AQR: variants seen among roughly 807,000 people sequenced by gnomAD.
The protein encoded by AQR is RNA helicase aquarius.
AQR carries 61 observed loss-of-function variants against 180.5 expected under a neutral mutation model. The ratio of observed to expected loss-of-function variants is 0.34; its 90% confidence interval spans 0.28 to 0.42. The LOEUF (loss-of-function observed/expected upper bound fraction) is 0.42, where lower values mean the gene tolerates loss of function less well. Among genes scored for constraint, AQR ranks in the 10% least tolerant of loss-of-function variants. The pLI, the probability that AQR is intolerant of heterozygous loss-of-function variation, is 1.00. For synonymous variants in AQR, 551 were observed against 588.8 expected, an observed-to-expected ratio of 0.94 and a Z score of 0.93; for missense variants, 1,281 against 1,798.3, an observed-to-expected ratio of 0.71 and a Z score of 5.20.
chr15:34,893,607 G>GCA (rs386382691), intron 23 of AQR, 56 bp downstream of exon 23: 23,976 of 995,102 alleles, frequency 0.024, 128 homozygotes, highest in East Asian at 0.046. Flanking sequence ...GCGCATGCGT[G>GCA]CACACACACA....
intron 33 of AQR, among the ~76,000 whole-genome samples, chr15:34,862,523 T>G (rs1411583701): frequency 6.6e-6 from 1 of 152,210 alleles, no homozygotes; most frequent in Non-Finnish European, 1.5e-5. Context: ...TAATACATGG[T>G]AGCCACTAAA....
intron 1 of AQR, among the ~76,000 whole-genome samples, chr15:34,969,002 C>T (rs770567849): frequency 3.0e-4 from 45 of 152,174 alleles, no homozygotes; most frequent in Non-Finnish European, 5.6e-4. Context: ...CTGTGGCTCA[C>T]AATGCAAGAT....
chr15:34,878,537 A>G (rs1447538309), intron 27 of AQR, among the ~76,000 whole-genome samples: 1 of 152,156 alleles, frequency 6.6e-6, no homozygotes, highest in Non-Finnish European at 1.5e-5. Flanking sequence ...GATTATTATC[A>G]TTGTTCATTT....
intron 13 of AQR, among the ~76,000 whole-genome samples, chr15:34,921,088 A>G (rs1893677256): frequency 6.6e-6 from 1 of 152,198 alleles, no homozygotes; most frequent in African/African-American, 2.4e-5. Flanking sequence ...TTTATTTTAA[A>G]TTCTGTGACA....
Position 34,952,583 on chromosome 15 carries a change from A to G in AQR, c.209+302T>C, listed in dbSNP as rs1894249903. ...AGCTTGGCAGGGAGAAAAAGTGGCTATAGAACACACTCTAATTTATTTCCA... is the reference window on the plus strand; with the variant it reads ...AGCTTGGCAGGGAGAAAAAGTGGCTGTAGAACACACTCTAATTTATTTCCA... On this transcript the variant is annotated intron_variant, in intron 4 of 34. Coordinates refer to ENST00000156471, the MANE Select transcript of AQR (RefSeq NM_014691.3). 2.0e-5 allele frequency among the ~76,000 whole-genome samples: 3 copies of G among 152,236 alleles called. No individual in the cohort carries two copies. In the South Asian group the frequency reaches 6.2e-4, roughly 32 times the overall value.
chr15:34,969,576 G>A lies in AQR; in HGVS notation c.38C>T (p.Pro13Leu), dbSNP rs2050332740. ...CTCCGCATTGATTTGGGACACCGTA[G>A]GGGCCACGATCTTCTTGGGCTGCGC... is the stretch of plus-strand genomic sequence containing the variant. ...APAQPKKIVAPTVSQINAEFV... is the reference protein window; with the variant it reads ...APAQPKKIVALTVSQINAEFV... The change falls in exon 1 of 35, where the codon CCT becomes CTT. Residue 13 changes from proline to leucine, a missense_variant. By Grantham distance (98) the Pro-to-Leu change is moderately conservative. This residue lies in a region of AQR where 404 missense variants were observed against 490.9 expected (regional missense o/e 0.82). Coordinates refer to ENST00000156471, the MANE Select transcript of AQR (RefSeq NM_014691.3). 6.2e-7 allele frequency: 1 copy of A among 1,613,716 alleles called. No individual in the cohort carries two copies. Among genetic ancestry groups the A allele is most frequent in the Non-Finnish European group, 8.5e-7 (1 of 1,180,026 alleles).
At chr15:34,943,227 G>T (rs1400606608) in intron 6 of AQR, 1 of 1,610,310 alleles carries the variant, frequency 6.2e-7, no homozygotes. Flanking sequence ...TGGCTATGGT[G>T]GGCAAACTAA....
intron 18 of AQR, 122 bp downstream of exon 18, chr15:34,906,423 C>A: frequency 8.5e-7 from 1 of 1,173,746 alleles, no homozygotes; most frequent in Admixed American, 2.4e-5. Flanking sequence ...GATACAAAAT[C>A]CTTTGTGTCA....
intron 5 of AQR, 124 bp from the exon 6 acceptor site, chr15:34,944,552 T>C (rs1247630976): frequency 2.1e-6 from 2 of 973,226 alleles, no homozygotes; most frequent in Non-Finnish European, 2.9e-6. Flanking sequence ...GTTATTTGTA[T>C]ATGTATAAAA....
intron 3 of AQR, among the ~76,000 whole-genome samples, chr15:34,957,858 A>G (rs986081659): frequency 2.0e-5 from 3 of 152,150 alleles, no homozygotes; most frequent in Non-Finnish European, 4.4e-5. Flanking sequence ...CGACTGTTAA[A>G]AGTGCCAAGA....
chr15:34,937,298 T>C (rs1015508337), intron 9 of AQR, among the ~76,000 whole-genome samples: 1 of 152,190 alleles, frequency 6.6e-6, no homozygotes, highest in African/African-American at 2.4e-5. Flanking sequence ...GTGCTGGGAT[T>C]ACAGGCATGA....
At chr15:34,957,582 T>C (rs1473691471) in intron 3 of AQR, among the ~76,000 whole-genome samples, 1 of 150,922 alleles carries the variant, frequency 6.6e-6, no homozygotes, top group Non-Finnish European at 1.5e-5. Flanking sequence ...ATGCCTGTAA[T>C]CCCTGCTACT....
chr15:34,951,597 G>A (rs1894233226), intron 4 of AQR, among the ~76,000 whole-genome samples: 1 of 151,778 alleles, frequency 6.6e-6, no homozygotes, highest in African/African-American at 2.4e-5. Context: ...CTTCTACCCG[G>A]GAAGTGGAGG....
chr15:34,932,209 A>T, intron 11 of AQR, 109 bp downstream of exon 11: 1 of 867,482 alleles, frequency 1.2e-6, no homozygotes, highest in Non-Finnish European at 1.8e-6. Context: ...ACATGACTTT[A>T]AAATAACTAG....
intron 4 of AQR, among the ~76,000 whole-genome samples, chr15:34,950,612 T>C (rs558219828): frequency 1.3e-5 from 2 of 152,238 alleles, no homozygotes; most frequent in Admixed American, 6.5e-5. Context: ...TCTTCTCTTA[T>C]GCCAATAATA....
rs563236653 is a variant in AQR at position 34,957,641 on chromosome 15, C to G, written c.173+3133G>C. Among the ~76,000 whole-genome samples, 190 of 149,404 alleles carry G rather than the reference C, an allele frequency of 1.3e-3. 1 individual carries two copies. The Middle Eastern group carries it at 0.022, about 17-fold the overall frequency. On this transcript the variant is annotated intron_variant, in intron 3 of 34. Transcript: ENST00000156471. ...ACTTGAACCTGGGAGGTGGAGGTTG[C>G]GGTGAGCCGAGACTGCACCATTGCA...
At chr15:34,941,579 T>C (rs1278829051) in intron 7 of AQR, among the ~76,000 whole-genome samples, 1 of 152,208 alleles carries the variant, frequency 6.6e-6, no homozygotes, top group African/African-American at 2.4e-5. Flanking sequence ...TTAACTAAAC[T>C]ACCTAAGATG....
rs376336040 is a variant in AQR at position 34,969,494 on chromosome 15, C to T, written c.75+45G>A. On this transcript the variant is annotated intron_variant, in intron 1 of 34. Coordinates refer to ENST00000156471, the MANE Select transcript of AQR (RefSeq NM_014691.3). ...ACCCCACCACCAGGCCTCGGGGCCACGACGTCCATACCCACTCACACACAC... is the reference window on the plus strand; with the variant it reads ...ACCCCACCACCAGGCCTCGGGGCCATGACGTCCATACCCACTCACACACAC... 33 of 1,608,188 alleles carry T rather than the reference C, an allele frequency of 2.1e-5. No homozygotes were observed. In the African/African-American group the frequency reaches 2.4e-4, roughly 12 times the overall value.
intron 20 of AQR, 132 bp downstream of exon 20, chr15:34,900,490 T>G: frequency 9.4e-7 from 1 of 1,068,430 alleles, no homozygotes; most frequent in Non-Finnish European, 1.3e-6. Flanking sequence ...AGTGATTGTA[T>G]GGTGAAGGTA....
Sources: allele counts gnomAD v4.1 joint callset (sites outside exome capture counted in the v4.1 genomes callset), GRCh38; gene constraint gnomAD v4.1.1; regional missense constraint gnomAD v4.1.1; transcripts MANE v1.5; gene names NCBI Gene and HGNC (gene_info 2026-07-23, HGNC 2026-07-21).